CCDC7: variants seen among roughly 807,000 people sequenced by gnomAD.
CCDC7 encodes the protein coiled-coil domain containing 7, also known as coiled-coil domain-containing protein 7.
CCDC7 carries 183 observed loss-of-function variants against 196.9 expected under a neutral mutation model. The ratio of observed to expected loss-of-function variants is 0.93; its 90% confidence interval spans 0.82 to 1.05. The LOEUF is 1.05. Among genes scored for constraint, CCDC7 ranks in the 50% least tolerant of loss-of-function variants. CCDC7 has a pLI of 0.00. For missense variants in CCDC7, 1,540 were observed against 1,482.2 expected (o/e 1.04, Z -0.64); for synonymous variants, 525 against 484.6 (o/e 1.08, Z -1.10).
intron 9 of CCDC7, 45 bp from the exon 11 acceptor site, chr10:32,517,900 A>G (rs368222908): frequency 1.9e-6 from 3 of 1,563,150 alleles, no homozygotes; most frequent in Non-Finnish European, 2.6e-6. Context: ...AAATTAAAAT[A>G]TAAATGTACA....
In CCDC7 at chr10:32,828,424, GAA is replaced by G. The variant is rs1491536174; in HGVS notation, c.3268+3821_3268+3822del. ...AGAAGGAGAAGGAGAAGGAGAAGAA[GAA>G]GAAGGAAGGAAGGAGAAGAAGAAGA... On this transcript the variant is annotated intron_variant, in intron 32 of 41. Coordinates refer to ENST00000639629, the Ensembl canonical transcript of CCDC7. Among the ~76,000 whole-genome samples, 48 of 131,532 alleles carry G rather than the reference GAA, an allele frequency of 3.6e-4. 2 individuals are homozygous for G. The highest frequency in any genetic ancestry group is 1.1e-3 in the African/African-American group (43 of 38,056). 86.3% of individuals were successfully genotyped at this position (131,532 alleles called of 152,430 possible).
intron 25 of CCDC7, among the ~76,000 whole-genome samples, chr10:32,722,182 C>T (rs1222602359): frequency 1.3e-5 from 2 of 152,022 alleles, no homozygotes; most frequent in Non-Finnish European, 2.9e-5. Flanking sequence ...ATTCATGGTC[C>T]CCATATATCC....
chr10:32,807,775 C>T (rs550693277), intron 30 of CCDC7, among the ~76,000 whole-genome samples: 2 of 151,802 alleles, frequency 1.3e-5, no homozygotes, highest in African/African-American at 4.8e-5. Context: ...ACACACACAC[C>T]GTGAGAACCA....
At chr10:32,488,771 T>G (rs1171383724) in intron 8 of CCDC7, among the ~76,000 whole-genome samples, 2 of 152,258 alleles carry the variant, frequency 1.3e-5, no homozygotes, top group African/African-American at 4.8e-5. Flanking sequence ...TGAGCTTCCT[T>G]AAAACTATTA....
chr10:32,605,486 A>T (rs779258144), intron 18 of CCDC7, among the ~76,000 whole-genome samples: 5 of 152,200 alleles, frequency 3.3e-5, no homozygotes, highest in Non-Finnish European at 7.4e-5. Context: ...CTTCGTAGAG[A>T]CTGGTTAAAT....
intron 33 of CCDC7, 79 bp from the exon 35 acceptor site, chr10:32,845,164 A>G (rs968936219): frequency 2.6e-6 from 2 of 777,308 alleles, no homozygotes; most frequent in Non-Finnish European, 2.0e-6. Flanking sequence ...ATATCCTCCT[A>G]TAATTAAACA....
intron 21 of CCDC7, among the ~76,000 whole-genome samples, chr10:32,677,207 G>T (rs1245120870): frequency 1.6e-5 from 2 of 128,370 alleles, no homozygotes; most frequent in African/African-American, 3.0e-5. Context: ...ACACTCTGGG[G>T]ACTGTTGTGG....
At chr10:32,686,986 T>G (rs2076537024) in intron 22 of CCDC7, among the ~76,000 whole-genome samples, 1 of 152,202 alleles carries the variant, frequency 6.6e-6, no homozygotes, top group Non-Finnish European at 1.5e-5. Context: ...TAAGACAAAC[T>G]GTTCCTGATC....
chr10:32,512,946 G>A (rs1183593343), intron 9 of CCDC7: 1 of 152,138 alleles, frequency 6.6e-6, no homozygotes, highest in East Asian at 1.9e-4. Context: ...CAGAGAGGTA[G>A]TGGAATGAAT....
intron 31 of CCDC7, among the ~76,000 whole-genome samples, chr10:32,821,849 T>A (rs915732229): frequency 6.6e-6 from 1 of 152,064 alleles, no homozygotes; most frequent in Non-Finnish European, 1.5e-5. Context: ...TTAGGAGATA[T>A]ACCTAATGTT....
intron 16 of CCDC7, chr10:32,574,383 A>G: frequency 1.3e-6 from 2 of 1,489,942 alleles, no homozygotes; most frequent in Non-Finnish European, 1.8e-6. Context: ...TATTAAGCAC[A>G]TGGCACAATA....
intron 29 of CCDC7, among the ~76,000 whole-genome samples, chr10:32,794,834 T>A (rs2083292241): frequency 6.6e-6 from 1 of 152,194 alleles, no homozygotes; most frequent in Admixed American, 6.5e-5. Context: ...TTTTGTCAAA[T>A]GCATAGTGAG....
intron 30 of CCDC7, among the ~76,000 whole-genome samples, chr10:32,806,113 A>G (rs1403884252): frequency 6.6e-6 from 1 of 152,240 alleles, no homozygotes. Context: ...TCCCACCTCC[A>G]ACAATGGGGA....
At chr10:32,716,322 A>C (rs1272392404) in intron 25 of CCDC7, among the ~76,000 whole-genome samples, 1 of 152,202 alleles carries the variant, frequency 6.6e-6, no homozygotes, top group Non-Finnish European at 1.5e-5. Context: ...AAGGAGAAAC[A>C]AAATCCATTA....
At chr10:32,687,259 A>G (rs767260915) in intron 22 of CCDC7, among the ~76,000 whole-genome samples, 24 of 152,238 alleles carry the variant, frequency 1.6e-4, no homozygotes, top group Non-Finnish European at 3.2e-4. Context: ...GAGCTGAGCA[A>G]TAAGGGCAGT....
chr10:32,731,128 A>T (rs976751584), intron 28 of CCDC7, among the ~76,000 whole-genome samples: 6 of 151,932 alleles, frequency 3.9e-5, no homozygotes, highest in Non-Finnish European at 7.4e-5. Context: ...TATTAGATGT[A>T]TACAAATAAA....
At chr10:32,720,739 T>C (rs1453023100) in intron 25 of CCDC7, among the ~76,000 whole-genome samples, 5 of 152,092 alleles carry the variant, frequency 3.3e-5, no homozygotes, top group Non-Finnish European at 7.4e-5. Flanking sequence ...CTCTTGCAGA[T>C]TATCTGTGTG....
chr10:32,614,905 A>AT (rs1268442415), intron 18 of CCDC7, among the ~76,000 whole-genome samples: 2 of 152,000 alleles, frequency 1.3e-5, no homozygotes, highest in African/African-American at 4.8e-5. Flanking sequence ...TTTGATTTCC[A>AT]TTTCTGAGTT....
chr10:32,714,778 G>A (rs751502646), intron 25 of CCDC7, among the ~76,000 whole-genome samples: 1 of 152,146 alleles, frequency 6.6e-6, no homozygotes, highest in Non-Finnish European at 1.5e-5. Context: ...CAAAGCTGCT[G>A]GGAAGTTCGA....
Sources: allele counts gnomAD v4.1 joint callset (sites outside exome capture counted in the v4.1 genomes callset), GRCh38; gene constraint gnomAD v4.1.1; transcripts MANE v1.5; gene names NCBI Gene and HGNC (gene_info 2026-07-23, HGNC 2026-07-21).